ADCY2: variants seen among roughly 807,000 people sequenced by gnomAD.
ADCY2 encodes adenylate cyclase 2, also known as adenylate cyclase type 2.
Under a neutral mutation model 125.2 loss-of-function variants are expected in ADCY2, and 31 were observed. That is an observed-to-expected ratio of 0.25 (90% CI 0.19 to 0.33). The LOEUF is 0.33. Ranked by LOEUF, ADCY2 falls within the 10% of genes least tolerant of loss-of-function variation. ADCY2 has a pLI of 1.00. For synonymous variants in ADCY2, 512 were observed against 548.4 expected (o/e 0.93, Z 0.93); for missense variants, 904 against 1,418.2 (o/e 0.64, Z 5.82).
intron 22 of ADCY2, among the ~76,000 whole-genome samples, chr5:7,805,384 A>G (rs1434709265): frequency 6.6e-6 from 1 of 152,210 alleles, no homozygotes; most frequent in Non-Finnish European, 1.5e-5. Flanking sequence ...AATTTCATTG[A>G]AAAGGTCATT....
chr5:7,769,243 A>C (rs563649771), intron 17 of ADCY2, among the ~76,000 whole-genome samples: 1 of 152,356 alleles, frequency 6.6e-6, no homozygotes, highest in South Asian at 2.1e-4. Flanking sequence ...ATGTAACATC[A>C]ACAAAAAGAA....
At chr5:7,502,335 C>T (rs1449202000) in intron 2 of ADCY2, among the ~76,000 whole-genome samples, 1 of 152,128 alleles carries the variant, frequency 6.6e-6, no homozygotes, top group Non-Finnish European at 1.5e-5. Flanking sequence ...CAGGGAGCAG[C>T]CCCTGCTATG....
intron 3 of ADCY2, among the ~76,000 whole-genome samples, chr5:7,560,169 CATTTTGT>C (rs1466402185): frequency 6.6e-6 from 1 of 152,102 alleles, no homozygotes; most frequent in African/African-American, 2.4e-5. Context: ...GTCAAGATGC[CATTTTGT>C]AAAATTAAGA....
intron 4 of ADCY2, among the ~76,000 whole-genome samples, chr5:7,652,679 A>G (rs186999395): frequency 6.6e-6 from 1 of 152,358 alleles, no homozygotes; most frequent in Non-Finnish European, 1.5e-5. Flanking sequence ...TGTTGAGTGT[A>G]TGGCTCTCAG....
intron 4 of ADCY2, among the ~76,000 whole-genome samples, chr5:7,671,598 A>T (rs936878612): frequency 6.6e-6 from 1 of 152,136 alleles, no homozygotes; most frequent in African/African-American, 2.4e-5. Flanking sequence ...AATCAAACTA[A>T]TTGTAACTCT....
chr5:7,474,103 G>T (rs886337875), intron 2 of ADCY2, among the ~76,000 whole-genome samples: 26 of 152,192 alleles, frequency 1.7e-4, no homozygotes, highest in African/African-American at 6.3e-4. Flanking sequence ...GTATGAATTT[G>T]TAAGTTATCA....
At chr5:7,727,387 G>T in intron 14 of ADCY2, 126 bp downstream of exon 14, 1 of 765,390 alleles carries the variant, frequency 1.3e-6, no homozygotes, top group East Asian at 2.7e-5. Context: ...TCATGGTAAA[G>T]GGAGAGTAAC....
intron 3 of ADCY2, among the ~76,000 whole-genome samples, chr5:7,614,312 C>T (rs531756771): frequency 6.6e-6 from 1 of 152,290 alleles, no homozygotes; most frequent in Admixed American, 6.5e-5. Flanking sequence ...CTCTGAGTGG[C>T]CCATCTCTGC....
At chr5:7,475,777 A>G (rs930633403) in intron 2 of ADCY2, among the ~76,000 whole-genome samples, 2 of 152,254 alleles carry the variant, frequency 1.3e-5, no homozygotes, top group African/African-American at 4.8e-5. Flanking sequence ...GGAGGAGGGC[A>G]GAAGCCTGCA....
At chr5:7,741,737 TCAC>T (rs2126429099) in intron 14 of ADCY2, among the ~76,000 whole-genome samples, 2 of 29,900 alleles carry the variant, frequency 6.7e-5, no homozygotes, top group African/African-American at 1.2e-4. Flanking sequence ...ATCATCACCA[TCAC>T]CATCACCATC....
At chr5:7,494,683 C>T (rs1001869907) in intron 2 of ADCY2, among the ~76,000 whole-genome samples, 6 of 152,094 alleles carry the variant, frequency 3.9e-5, no homozygotes, top group African/African-American at 1.4e-4. Flanking sequence ...GGCAGAGACT[C>T]TCAGCTCCAT....
intron 2 of ADCY2, among the ~76,000 whole-genome samples, chr5:7,501,992 C>G (rs1743612104): frequency 6.6e-6 from 1 of 152,118 alleles, no homozygotes; most frequent in African/African-American, 2.4e-5. Flanking sequence ...GGGAGACTTT[C>G]AACATGGCTG....
chr5:7,549,653 A>C (rs1378933301), intron 3 of ADCY2, among the ~76,000 whole-genome samples: 2 of 152,190 alleles, frequency 1.3e-5, no homozygotes, highest in Non-Finnish European at 2.9e-5. Context: ...CCTTTGGCTA[A>C]ATTTTGATAG....
chr5:7,692,964 C>T (rs1283960966), intron 5 of ADCY2, among the ~76,000 whole-genome samples: 1 of 152,068 alleles, frequency 6.6e-6, no homozygotes, highest in Non-Finnish European at 1.5e-5. Context: ...TCTAAGACAC[C>T]ACCATCAAGC....
At chr5:7,715,974 G>A (rs1048680760) in intron 11 of ADCY2, among the ~76,000 whole-genome samples, 2 of 152,140 alleles carry the variant, frequency 1.3e-5, no homozygotes, top group African/African-American at 4.8e-5. Context: ...CATGATATAG[G>A]CATAGCCTTG....
intron 4 of ADCY2, among the ~76,000 whole-genome samples, chr5:7,646,176 A>T (rs998166020): frequency 6.6e-6 from 1 of 152,140 alleles, no homozygotes; most frequent in Non-Finnish European, 1.5e-5. Flanking sequence ...AAGACTAAAT[A>T]ATTGTAGTTA....
At chr5:7,791,691 T>G (rs1744252412) in intron 20 of ADCY2, among the ~76,000 whole-genome samples, 1 of 151,854 alleles carries the variant, frequency 6.6e-6, no homozygotes, top group Non-Finnish European at 1.5e-5. Context: ...TTAACAGGAG[T>G]CTCCAGCCCA....
intron 15 of ADCY2, among the ~76,000 whole-genome samples, chr5:7,746,854 C>T (rs1425893133): frequency 6.6e-6 from 1 of 152,162 alleles, no homozygotes; most frequent in Non-Finnish European, 1.5e-5. Flanking sequence ...TGTTTTCTTC[C>T]AAGAGCTTTG....
chr5:7,440,797 A>G (rs1740985315), intron 2 of ADCY2, among the ~76,000 whole-genome samples: 1 of 152,154 alleles, frequency 6.6e-6, no homozygotes, highest in Admixed American at 6.5e-5. Flanking sequence ...GCTGACATAT[A>G]ACCATGTCGG....
Sources: gnomAD v4.1 joint callset for allele counts (sites outside exome capture counted in the v4.1 genomes callset) on GRCh38, gnomAD v4.1.1 for gene constraint, MANE v1.5 for transcripts, NCBI Gene and HGNC (gene_info 2026-07-23, HGNC 2026-07-21) for gene names.